The following NAT1 variants were observed in gnomAD, a reference collection of about 807,000 sequenced individuals.
NAT1 encodes the protein N-acetyltransferase 1, also known as arylamine N-acetyltransferase 1.
For synonymous variants in NAT1, 144 were observed against 122.6 expected, an observed-to-expected ratio of 1.17 and a Z score of -1.16; for missense variants, 400 against 339.2, an observed-to-expected ratio of 1.18 and a Z score of -1.41.
At chr8:18,179,822 C>T (rs1802439504) in intron 2 of NAT1, among the ~76,000 whole-genome samples, 2 of 152,172 alleles carry the variant, frequency 1.3e-5, no homozygotes. Flanking sequence ...TTGTGTTTAG[C>T]CTCATGAAAG....
chr8:18,181,403 T>C (rs987284243), intron 2 of NAT1, among the ~76,000 whole-genome samples: 9 of 152,144 alleles, frequency 5.9e-5, no homozygotes, highest in Non-Finnish European at 1.3e-4. Flanking sequence ...ATGCTATGGA[T>C]TTTTAAATGT....
chr8:18,192,761 G>T (rs564784976), intron 2 of NAT1, among the ~76,000 whole-genome samples: 1 of 150,980 alleles, frequency 6.6e-6, no homozygotes, highest in East Asian at 2.0e-4. Flanking sequence ...AACACTGCAT[G>T]TTCTCACCCA....
intron 2 of NAT1, among the ~76,000 whole-genome samples, chr8:18,173,380 G>A (rs1013261292): frequency 1.3e-5 from 2 of 152,064 alleles, no homozygotes; most frequent in African/African-American, 4.8e-5. Flanking sequence ...TCCACCTCAT[G>A]GAATGAATGT....
At chr8:18,202,654 CGTCCGGAGTTGTTT>C (rs1188655575) in intron 2 of NAT1, among the ~76,000 whole-genome samples, 2 of 151,822 alleles carry the variant, frequency 1.3e-5, no homozygotes, top group African/African-American at 2.4e-5. Context: ...AAAGGTGGTG[CGTCCGGAGTTGTTT>C]GTCCCTCCTG....
chr8:18,206,507 A>C (rs1001530051), upstream of NAT1, among the ~76,000 whole-genome samples: 1 of 152,216 alleles, frequency 6.6e-6, no homozygotes, highest in African/African-American at 2.4e-5. Flanking sequence ...CACTCTTGCC[A>C]TTTCTATTGA....
intron 2 of NAT1, among the ~76,000 whole-genome samples, chr8:18,187,511 T>C (rs1179790175): frequency 6.6e-6 from 1 of 152,132 alleles, no homozygotes; most frequent in Admixed American, 6.5e-5. Context: ...CACCCTGGAA[T>C]ACTACGCAGC....
intron 2 of NAT1, among the ~76,000 whole-genome samples, chr8:18,189,331 T>C (rs1300893503): frequency 6.6e-6 from 1 of 152,184 alleles, no homozygotes; most frequent in Non-Finnish European, 1.5e-5. Flanking sequence ...TTTATGTTTG[T>C]AATCTGCTTT....
rs757144152 is a variant in NAT1 at position 18,222,633 on chromosome 8, C to T, written c.586C>T (p.Pro196Ser). ...YRKIYSFTLK[P>S]RTIEDFESMN... ...AAAAATCTACTCCTTTACTCTTAAG[C>T]CTCGAACAATTGAAGATTTTGAGTC... The change falls in exon 3 of 3, where the codon CCT (proline) becomes TCT (serine). Residue 196 changes from proline to serine, a missense_variant. Transcript: ENST00000307719. 6.2e-7 allele frequency: 1 copy of T among 1,613,180 alleles called. No homozygotes were observed. Among genetic ancestry groups the T allele is most frequent in the South Asian group, 1.1e-5 (1 of 90,876 alleles).
chr8:18,186,230 G>C lies in NAT1; in HGVS notation n.92+15491G>C, dbSNP rs183851715. On this transcript the variant is annotated intron_variant and non_coding_transcript_variant, in intron 2 of 4. Coordinates refer to the NAT1 transcript ENST00000517441. ...ATTGAAATTTCCCATTATGATTATA[G>C]GTTTGTCTACTTCTTCCCGTAGTTC... is the stretch of plus-strand genomic sequence containing the variant. Among the ~76,000 whole-genome samples the C allele has an allele frequency of 1.7e-3, 257 of 152,106 alleles. 1 individual carries two copies. The highest frequency in any genetic ancestry group is 2.9e-3 in the Non-Finnish European group (200 of 67,968).
chr8:18,193,672 C>T (rs1404589389), intron 2 of NAT1, among the ~76,000 whole-genome samples: 2 of 104,150 alleles, frequency 1.9e-5, no homozygotes, highest in Non-Finnish European at 3.5e-5. Flanking sequence ...GACTTTCACT[C>T]TTGGGGTCAC....
intron 2 of NAT1, among the ~76,000 whole-genome samples, chr8:18,191,205 G>A (rs1407323197): frequency 6.6e-6 from 1 of 152,176 alleles, no homozygotes; most frequent in Non-Finnish European, 1.5e-5. Flanking sequence ...AGGCTCAAGT[G>A]AGCATTTCTG....
intron 2 of NAT1, among the ~76,000 whole-genome samples, chr8:18,200,052 T>C (rs77727929): frequency 0.013 from 2,049 of 152,294 alleles, 15 homozygotes; most frequent in Middle Eastern, 0.082. Context: ...GTAACACTTA[T>C]CAGGTTGTGG....
chr8:18,218,359 C>G (rs1379347593), intron 1 of NAT1, among the ~76,000 whole-genome samples: 2 of 152,146 alleles, frequency 1.3e-5, no homozygotes, highest in Admixed American at 1.3e-4. Flanking sequence ...ACAGGGGCCC[C>G]AGGGCATATA....
intron 2 of NAT1, among the ~76,000 whole-genome samples, chr8:18,192,166 A>C (rs1275213395): frequency 1.3e-5 from 2 of 152,022 alleles, no homozygotes; most frequent in African/African-American, 2.4e-5. Flanking sequence ...AACCCCATCA[A>C]AAAGTGGGCA....
chr8:18,207,758 T>C (rs1172122131), upstream of NAT1, among the ~76,000 whole-genome samples: 1 of 152,210 alleles, frequency 6.6e-6, no homozygotes, highest in Non-Finnish European at 1.5e-5. Flanking sequence ...ATCAATCCCA[T>C]TCCTGGGTAT....
In NAT1 at chr8:18,220,399, G is replaced by C. The variant is rs996467433; in HGVS notation, c.-7+910G>C. 4.6e-5 allele frequency among the ~76,000 whole-genome samples: 7 copies of C among 152,240 alleles called. No homozygotes were observed. In the South Asian group the frequency reaches 1.5e-3, roughly 32 times the overall value. On this transcript the variant is annotated intron_variant, in intron 2 of 2. Transcript: ENST00000307719. ...ACTTATCACCATTCATCTCGGGGCA[G>C]GTCCCTTTGTACAAGGTCATCCTCA...
At chr8:18,210,732 A>C (rs1202358667) in intron 1 of NAT1, among the ~76,000 whole-genome samples, 1 of 152,180 alleles carries the variant, frequency 6.6e-6, no homozygotes. Context: ...ATGTCCAGGA[A>C]GATTGAATTC....
chr8:18,211,738 G>C (rs1804125790), intron 1 of NAT1, among the ~76,000 whole-genome samples: 1 of 152,162 alleles, frequency 6.6e-6, no homozygotes, highest in Non-Finnish European at 1.5e-5. Flanking sequence ...AGGGGGCTAG[G>C]TTGTAGTGTC....
At chr8:18,218,762 G>A (rs1379811653) in intron 1 of NAT1, among the ~76,000 whole-genome samples, 1 of 152,072 alleles carries the variant, frequency 6.6e-6, no homozygotes, top group Non-Finnish European at 1.5e-5. Flanking sequence ...AGGTTTGCAT[G>A]ACCCACTTAC....
Sources: allele counts gnomAD v4.1 joint callset (sites outside exome capture counted in the v4.1 genomes callset), GRCh38; gene constraint gnomAD v4.1.1; transcripts MANE v1.5; gene names NCBI Gene and HGNC (gene_info 2026-07-23, HGNC 2026-07-21).